Variants in PRPSAP2 observed in about 807,000 individuals in gnomAD.
The protein encoded by PRPSAP2 is phosphoribosyl pyrophosphate synthetase associated protein 2.
A neutral mutation model predicts 40.6 loss-of-function variants in PRPSAP2; 24 were observed. The ratio of observed to expected loss-of-function variants is 0.59; its 90% confidence interval spans 0.43 to 0.83. PRPSAP2 has a LOEUF of 0.83. Among genes scored for constraint, PRPSAP2 ranks in the 40% least tolerant of loss-of-function variants. The pLI is 0.00. For missense variants in PRPSAP2, 292 were observed against 465.6 expected, an observed-to-expected ratio of 0.63 and a Z score of 3.43; for synonymous variants, 149 against 164.7, an observed-to-expected ratio of 0.90 and a Z score of 0.73.
chr17:18,898,246 C>G (rs1014761841), intron 8 of PRPSAP2, among the ~76,000 whole-genome samples: 1 of 151,984 alleles, frequency 6.6e-6, no homozygotes, highest in East Asian at 1.9e-4. Context: ...ATCTGCCCAC[C>G]GCGGCCTCCC....
At chr17:18,881,677 A>G (rs2038754193) in intron 6 of PRPSAP2, among the ~76,000 whole-genome samples, 1 of 151,528 alleles carries the variant, frequency 6.6e-6, no homozygotes, top group Admixed American at 6.6e-5. Context: ...ATCTGGGACT[A>G]CAGATGTGCG....
At chr17:18,883,359 A>G (rs1272514549) in intron 7 of PRPSAP2, among the ~76,000 whole-genome samples, 1 of 150,170 alleles carries the variant, frequency 6.7e-6, no homozygotes, top group African/African-American at 2.4e-5. Flanking sequence ...TAAAATGTTA[A>G]TTTATACTGT....
At chr17:18,875,233 C>T (rs894468668) in intron 5 of PRPSAP2, among the ~76,000 whole-genome samples, 4 of 152,102 alleles carry the variant, frequency 2.6e-5, no homozygotes, top group African/African-American at 7.2e-5. Context: ...AGAGTCTGGA[C>T]GTCATGGTCT....
At chr17:18,884,825 A>G (rs957229934) in intron 7 of PRPSAP2, among the ~76,000 whole-genome samples, 3 of 152,346 alleles carry the variant, frequency 2.0e-5, no homozygotes, top group South Asian at 4.1e-4. Context: ...AGCAGTCGCT[A>G]TAGACTTATG....
chr17:18,895,018 T>C (rs1159192581), intron 8 of PRPSAP2, among the ~76,000 whole-genome samples: 1 of 152,122 alleles, frequency 6.6e-6, no homozygotes, highest in African/African-American at 2.4e-5. Flanking sequence ...GATATCATTT[T>C]TTAAAAATTC....
rs2040950712 is a variant in PRPSAP2, at chr17:18,911,386, T to G, written c.733+135T>G. 7 of 1,052,830 alleles carry G rather than the reference T, an allele frequency of 6.6e-6. No individual in the cohort carries two copies. Among genetic ancestry groups the G allele is most frequent in the South Asian group, 3.9e-5 (2 of 50,978 alleles). The allele number at this position is 1,052,830 out of a possible 1,614,324, so 65.2% of individuals were successfully genotyped here. ...CTCATTAACACCTTTCTTGGCCAGA[T>G]AGTAGCGAATGCATTTCTGATTACC... On this transcript the variant is annotated intron_variant, in intron 9 of 11. Coordinates refer to ENST00000268835, the MANE Select transcript of PRPSAP2 (RefSeq NM_002767.4). This position sits in a 1 kb window ranked among gnomAD's most constrained non-coding sequence, Gnocchi z 4.5.
intron 4 of PRPSAP2, among the ~76,000 whole-genome samples, chr17:18,872,235 T>C (rs2037941084): frequency 6.8e-6 from 1 of 147,480 alleles, no homozygotes; most frequent in Non-Finnish European, 1.5e-5. Context: ...ATCGCACCAC[T>C]GCATTCCAGC....
upstream of PRPSAP2, among the ~76,000 whole-genome samples, chr17:18,857,202 G>A (rs2151864195): frequency 6.6e-6 from 1 of 151,908 alleles, no homozygotes; most frequent in Non-Finnish European, 1.5e-5. Flanking sequence ...GGGCGTGGTG[G>A]CGCACACCTG....
chr17:18,918,043 GC>G (rs1336782049), intron 9 of PRPSAP2, among the ~76,000 whole-genome samples: 1 of 151,968 alleles, frequency 6.6e-6, no homozygotes, highest in Non-Finnish European at 1.5e-5. Flanking sequence ...TTTTTGCCTT[GC>G]CCAGGAGTTT....
At chr17:18,856,779 T>G (rs2036612261), upstream of PRPSAP2, among the ~76,000 whole-genome samples, 1 of 152,222 alleles carries the variant, frequency 6.6e-6, no homozygotes, top group South Asian at 2.1e-4. Flanking sequence ...GGAAAAGTTA[T>G]TTAACGTCGT....
rs140283796 is a variant in PRPSAP2 at position 18,875,963 on chromosome 17, C to T, written c.240-1735C>T. ...AGCCTGACCAACATGGAGAAACGCT[C>T]TCTCTGCTAAAAATGCAAAATTAGC... On this transcript the variant is annotated intron_variant, in intron 5 of 11. Transcript: ENST00000268835. 2.7e-4 allele frequency among the ~76,000 whole-genome samples: 41 copies of T among 152,048 alleles called. 1 individual carries two copies. In the East Asian group the frequency reaches 7.3e-3, roughly 27 times the overall value.
chr17:18,925,119 C>CAA (rs1275223509), intron 10 of PRPSAP2, among the ~76,000 whole-genome samples: 2 of 145,256 alleles, frequency 1.4e-5, no homozygotes, highest in Non-Finnish European at 1.5e-5. Context: ...GATTCCATCT[C>CAA]AAAAGAAAAA....
Position 18,872,591 on chromosome 17 carries a change from G to C in PRPSAP2, c.181G>C (p.Val61Leu), listed in dbSNP as rs1336773373. The C allele has an allele frequency of 6.3e-7, 1 of 1,587,948 alleles. No individual in the cohort carries two copies. Among genetic ancestry groups the C allele is most frequent in the East Asian group, 2.2e-5 (1 of 44,704 alleles). The change falls in exon 5 of 12, where the codon GTA (valine) becomes CTA (leucine). Residue 61 changes from valine (V) to leucine (L), a missense_variant. This residue lies in a region of PRPSAP2 where 241 missense variants were observed against 425.7 expected (regional missense o/e 0.57). Coordinates refer to ENST00000268835, the MANE Select transcript of PRPSAP2 (RefSeq NM_002767.4). ...TTTCCTTTTCCTGCCAGAAACAAGA[G>C]TACAAATTCAAGAGTCTGTGAGGGG... ...VYQEPNRETR[V>L]QIQESVRGKD...
intron 1 of PRPSAP2, among the ~76,000 whole-genome samples, chr17:18,863,092 T>C (rs1394263623): frequency 2.6e-5 from 4 of 152,090 alleles, no homozygotes; most frequent in African/African-American, 9.7e-5. Flanking sequence ...AGTGCTGGGA[T>C]TACAGGCATG....
chr17:18,930,708 T>A lies in PRPSAP2; in HGVS notation c.*10T>A. On this transcript the variant is annotated 3_prime_UTR_variant, in exon 12 of 12. Transcript: ENST00000268835. ...AGGCTTAGATGACTGAGTTTTCCTT[T>A]AGGAAAACTCCCGAGGGCCAAACTG... The A allele has an allele frequency of 6.2e-7, 1 of 1,601,914 alleles. No homozygotes were observed. The highest frequency in any genetic ancestry group is 8.5e-7 in the Non-Finnish European group (1 of 1,173,244).
In PRPSAP2 at chr17:18,911,146, A is replaced by G; in HGVS notation, c.628A>G (p.Ile210Val). 1 of 1,613,594 alleles carries G rather than the reference A, an allele frequency of 6.2e-7. No homozygotes were observed. Among genetic ancestry groups the G allele is most frequent in the Non-Finnish European group, 8.5e-7 (1 of 1,179,650 alleles). The part of the protein sequence containing the change: ...AERLRLGIAV[I>V]HGEAQDAESD... ...GCGCCTGCGCCTGGGAATTGCAGTGATTCATGGAGAGGCGCAGGATGCCGA... is the reference window on the plus strand; with the variant it reads ...GCGCCTGCGCCTGGGAATTGCAGTGGTTCATGGAGAGGCGCAGGATGCCGA... Residue 210 changes from isoleucine (I) to valine (V), a missense_variant, in exon 9 of 12, where the codon ATT becomes GTT. Ile to Val is a conservative substitution (Grantham distance 29). Around this residue, in one of 2 missense-constraint regions of PRPSAP2, gnomAD observed 241 missense variants for 425.7 expected, o/e 0.57. Transcript: ENST00000268835. This position sits in a 1 kb window ranked among gnomAD's most constrained non-coding sequence, Gnocchi z 4.5.
At position 18,928,791 on chromosome 17, in the gene PRPSAP2, T is replaced by G; in HGVS notation, c.805-20T>G. 6.2e-7 allele frequency: 1 copy of G among 1,613,026 alleles called. No homozygotes were observed. The highest frequency in any genetic ancestry group is 1.7e-5 in the Admixed American group (1 of 60,004). ...TGTAGAAGTGCTCATATACATTCTT[T>G]TCCATCTGTGCTTTGGCAGGATGAC... On this transcript the variant is annotated intron_variant, in intron 10 of 11. Transcript: ENST00000268835.
intron 10 of PRPSAP2, chr17:18,928,609 C>T (rs2042092448): frequency 1.7e-6 from 1 of 596,260 alleles, no homozygotes; most frequent in East Asian, 3.4e-5. Flanking sequence ...AGGTGCTGTG[C>T]AGGAAGAGGC....
In PRPSAP2 at chr17:18,885,584, T is replaced by G. The variant is rs1016091582; in HGVS notation, c.528+2901T>G. On this transcript the variant is annotated intron_variant, in intron 7 of 11. Coordinates refer to ENST00000268835, the MANE Select transcript of PRPSAP2 (RefSeq NM_002767.4). ...GTTCAAGCAAGCATATCTGGCTAAT[T>G]TTTGTTTTTTGTTTTTTTTTGAGAT... is the stretch of plus-strand genomic sequence containing the variant. Among the ~76,000 whole-genome samples the G allele has an allele frequency of 6.6e-5, 10 of 151,762 alleles. No homozygotes were observed. In the South Asian group the frequency reaches 2.1e-3, roughly 32 times the overall value.
Sources: gnomAD v4.1 joint callset for allele counts (sites outside exome capture counted in the v4.1 genomes callset) on GRCh38, gnomAD v4.1.1 for gene constraint, gnomAD v4.1.1 regional missense constraint, Gnocchi (gnomAD v3.1) non-coding constraint, MANE v1.5 for transcripts, NCBI Gene and HGNC (gene_info 2026-07-23, HGNC 2026-07-21) for gene names.